The following MAP3K15 variants were observed in gnomAD, a reference collection of about 807,000 sequenced individuals.
MAP3K15 encodes mitogen-activated protein kinase kinase kinase 15.
In MAP3K15, 124 loss-of-function variants were observed where a neutral mutation model predicts 99.5. That is an observed-to-expected ratio of 1.25 (90% CI 1.08 to 1.45). The LOEUF is 1.45. Ranked by LOEUF, MAP3K15 falls within the 40% of genes most tolerant of loss-of-function variation. The pLI is 0.00. For synonymous variants in MAP3K15, 494 were observed against 439.6 expected (o/e 1.12, Z -1.55); for missense variants, 1,242 against 1,079.7 (o/e 1.15, Z -2.11).
chrX:19,396,513 G>A (rs2063568646), intron 15 of MAP3K15, among the ~76,000 whole-genome samples: 1 of 112,108 alleles, frequency 8.9e-6, no homozygotes, highest in African/African-American at 3.2e-5. Flanking sequence ...AGCATCCTTG[G>A]GAAAGTCATT....
intron 1 of MAP3K15, among the ~76,000 whole-genome samples, chrX:19,508,425 G>C (rs2064494541): frequency 1.8e-5 from 2 of 112,410 alleles, no homozygotes; most frequent in South Asian, 7.4e-4. Flanking sequence ...ACCTACCTCA[G>C]TCTCCCGAAG....
chrX:19,466,856 C>G (rs1306267431), intron 3 of MAP3K15, among the ~76,000 whole-genome samples: 1 of 112,157 alleles, frequency 8.9e-6, no homozygotes, highest in African/African-American at 3.2e-5. Context: ...ACAACCATAA[C>G]TGATGAAAAT....
intron 1 of MAP3K15, among the ~76,000 whole-genome samples, chrX:19,489,627 A>C (rs956720191): frequency 9.0e-6 from 1 of 110,976 alleles, no homozygotes; most frequent in South Asian, 3.9e-4. Flanking sequence ...TCCCCCTTTC[A>C]TCATTCCAGG....
chrX:19,363,213 T>C (rs757907508), intron 25 of MAP3K15, among the ~76,000 whole-genome samples: 2 of 111,496 alleles, frequency 1.8e-5, no homozygotes, highest in Non-Finnish European at 3.8e-5. Context: ...AGAGGTGAGG[T>C]GAGAGGAGTG....
At chrX:19,476,313 A>T (rs964708476) in intron 3 of MAP3K15, among the ~76,000 whole-genome samples, 8 of 112,207 alleles carry the variant, frequency 7.1e-5, no homozygotes, top group African/African-American at 2.3e-4. Context: ...TTTGGAGCTT[A>T]TATCTTTTAA....
intron 1 of MAP3K15, chrX:19,496,937 C>T (rs2064407565): frequency 9.0e-6 from 1 of 110,908 alleles, no homozygotes; most frequent in African/African-American, 3.3e-5. Flanking sequence ...TGACTCATTG[C>T]TAGATACAGG....
chrX:19,468,825 C>T (rs777450736), intron 3 of MAP3K15, among the ~76,000 whole-genome samples: 8 of 110,646 alleles, frequency 7.2e-5, no homozygotes, highest in East Asian at 5.7e-4. Context: ...CTTGAAGAGG[C>T]CTTTCACATC....
At chrX:19,377,040 A>G (rs755047879) in intron 19 of MAP3K15, among the ~76,000 whole-genome samples, 4 of 111,805 alleles carry the variant, frequency 3.6e-5, no homozygotes, top group African/African-American at 1.3e-4. Flanking sequence ...GGACTTCCAT[A>G]TATCATTTTT....
At chrX:19,493,317 T>C (rs2064380006) in intron 1 of MAP3K15, among the ~76,000 whole-genome samples, 1 of 87,558 alleles carries the variant, frequency 1.1e-5, no homozygotes, top group Admixed American at 1.4e-4. Flanking sequence ...TCACTGTCAA[T>C]GAAAACAGGA....
At chrX:19,430,219 C>G (rs766073858) in intron 7 of MAP3K15, among the ~76,000 whole-genome samples, 4 of 112,075 alleles carry the variant, frequency 3.6e-5, no homozygotes, top group Non-Finnish European at 7.5e-5. Flanking sequence ...TGTGAGTTCC[C>G]GAACCTAAGC....
chrX:19,390,877 T>TA (rs1399081522), intron 18 of MAP3K15, among the ~76,000 whole-genome samples: 40 of 110,884 alleles, frequency 3.6e-4, no homozygotes, highest in African/African-American at 1.3e-3. Context: ...TTGTGATCTT[T>TA]ACGTTACTCC....
chrX:19,468,177 T>C (rs2064181925), intron 3 of MAP3K15, among the ~76,000 whole-genome samples: 1 of 111,769 alleles, frequency 8.9e-6, no homozygotes, highest in Admixed American at 9.6e-5. Flanking sequence ...ATTATGGAGA[T>C]TTTGGTGGCT....
At chrX:19,470,177 C>T (rs1381791743) in intron 3 of MAP3K15, among the ~76,000 whole-genome samples, 10 of 111,277 alleles carry the variant, frequency 9.0e-5, no homozygotes, top group African/African-American at 2.6e-4. Flanking sequence ...ATAGACTGGA[C>T]TAAGAAAATG....
At chrX:19,404,284 T>C (rs1263920628) in intron 13 of MAP3K15, among the ~76,000 whole-genome samples, 1 of 112,077 alleles carries the variant, frequency 8.9e-6, no homozygotes, top group Non-Finnish European at 1.9e-5. Flanking sequence ...CTTAGGTATG[T>C]ACTTAATAAA....
intron 1 of MAP3K15, chrX:19,497,256 C>T (rs947034533): frequency 6.5e-5 from 7 of 108,151 alleles, no homozygotes; most frequent in South Asian, 4.1e-4. Flanking sequence ...CTGCCTCCCA[C>T]GTTCAAGCGA....
chrX:19,392,111 C>A lies in MAP3K15; in HGVS notation c.2326-4G>T. 8.4e-7 allele frequency: 1 copy of A among 1,188,631 alleles called. No homozygotes were observed. The highest frequency in any genetic ancestry group is 1.1e-6 in the Non-Finnish European group (1 of 875,340). ...TGTTCACCAGAACATTATCGCCCTT[C>A]GGAAAATAACATCATCAAGTGCTTA... On this transcript the variant is annotated splice_region_variant and splice_polypyrimidine_tract_variant and intron_variant, in intron 17 of 28. Coordinates refer to ENST00000338883, the MANE Select transcript of MAP3K15 (RefSeq NM_001001671.4).
intron 2 of MAP3K15, among the ~76,000 whole-genome samples, chrX:19,488,033 T>C (rs1262780128): frequency 1.8e-5 from 2 of 111,226 alleles, no homozygotes; most frequent in East Asian, 5.6e-4. Flanking sequence ...TTACAAGCTC[T>C]CCCAGTAATT....
rs771010964 is a variant in MAP3K15 at position 19,464,454 on chromosome X, T to C, written c.526-48A>G. The C allele has an allele frequency of 1.2e-5, 12 of 1,041,792 alleles. No homozygotes were observed. The Admixed American group carries it at 1.8e-4, about 16-fold the overall frequency. 85.9% of individuals were successfully genotyped at this position (1,041,792 alleles called of 1,213,427 possible). ...TTCCAGAAAGTAACTTATGTGGAAG[T>C]GTAGGCTCTGGGCAGGTGGCGCCTG... On this transcript the variant is annotated intron_variant, in intron 3 of 28. Coordinates refer to ENST00000338883, the MANE Select transcript of MAP3K15 (RefSeq NM_001001671.4).
chrX:19,502,847 G>T (rs918688964), intron 1 of MAP3K15, among the ~76,000 whole-genome samples: 1 of 111,523 alleles, frequency 9.0e-6, no homozygotes, highest in African/African-American at 3.3e-5. Flanking sequence ...TACCACTTTT[G>T]TATATAAATT....
Sources: allele counts gnomAD v4.1 joint callset (sites outside exome capture counted in the v4.1 genomes callset), GRCh38; gene constraint gnomAD v4.1.1; transcripts MANE v1.5; gene names NCBI Gene and HGNC (gene_info 2026-07-23, HGNC 2026-07-21).